EIF2S3B: variants seen among roughly 807,000 people sequenced by gnomAD.
The protein encoded by EIF2S3B is eukaryotic translation initiation factor 2 subunit gamma B, also known as eukaryotic translation initiation factor 2 subunit 3B.
A neutral mutation model predicts 26.4 loss-of-function variants in EIF2S3B; 16 were observed. That is an observed-to-expected ratio of 0.61 (90% CI 0.41 to 0.92). The LOEUF is 0.92. Among genes scored for constraint, EIF2S3B ranks in the 40% least tolerant of loss-of-function variants. The probability of loss-of-function intolerance (pLI) is 0.00; values close to 1 mark genes in which losing one functional copy is unlikely to be tolerated. For synonymous variants in EIF2S3B, 183 were observed against 204.4 expected (o/e 0.90, Z 0.89); for missense variants, 510 against 575.5 (o/e 0.89, Z 1.16).
downstream of EIF2S3B, among the ~76,000 whole-genome samples, chr12:10,513,505 T>C (rs1199615314): frequency 6.6e-6 from 1 of 152,240 alleles, no homozygotes; most frequent in African/African-American, 2.4e-5. Flanking sequence ...TTTGCAATCA[T>C]TATCCCATTA....
In EIF2S3B at chr12:10,506,741, G is replaced by C. The variant is rs199779592; in HGVS notation, c.839G>C (p.Gly280Ala). The change falls in exon 1 of 1, where the codon GGT becomes GCT. Residue 280 changes from glycine to alanine, a missense_variant. Physicochemically the swap from Gly to Ala is moderately conservative, Grantham distance 60. Coordinates refer to ENST00000538173, the MANE Select transcript of EIF2S3B (RefSeq NM_001357734.3). ...GATGACCTTAAGGGAGGTGTAGCTG[G>C]TGGTAGTATCCTAAAAGGAGTATTA... is the stretch of plus-strand genomic sequence containing the variant. ...EVDDLKGGVA[G>A]GSILKGVLKV... is the part of the protein sequence containing the mutation. The C allele has an allele frequency of 6.2e-7, 1 of 1,614,022 alleles. No homozygotes were observed. The highest frequency in any genetic ancestry group is 2.2e-5 in the East Asian group (1 of 44,884).
At position 10,508,399 on chromosome 12, in the gene EIF2S3B, T is replaced by A. The variant is rs1437019508; in HGVS notation, c.*1078T>A. Among the ~76,000 whole-genome samples, 1 of 151,910 alleles carries A rather than the reference T, an allele frequency of 6.6e-6. No homozygotes were observed. Among genetic ancestry groups the A allele is most frequent in the Non-Finnish European group, 1.5e-5 (1 of 68,002 alleles). On this transcript the variant is annotated 3_prime_UTR_variant, in exon 1 of 1. Coordinates refer to ENST00000538173, the MANE Select transcript of EIF2S3B (RefSeq NM_001357734.3). Reference sequence around the variant, plus strand: ...GTTATACCAAATAATTCTAGATGAGTAACAAAGATCCTTCTAGGCCTTCAT... The same window carrying A: ...GTTATACCAAATAATTCTAGATGAGAAACAAAGATCCTTCTAGGCCTTCAT...
At chr12:10,520,460 T>C (rs1014692650) in intron 1 of EIF2S3B, among the ~76,000 whole-genome samples, 1 of 150,942 alleles carries the variant, frequency 6.6e-6, no homozygotes, top group Non-Finnish European at 1.5e-5. Context: ...TGTATACATA[T>C]GTAACTAACC....
At chr12:10,512,654 T>G (rs1338958295), downstream of EIF2S3B, among the ~76,000 whole-genome samples, 1 of 152,000 alleles carries the variant, frequency 6.6e-6, no homozygotes, top group African/African-American at 2.4e-5. Flanking sequence ...GAAAAAAAAT[T>G]TATCTTCCCA....
chr12:10,515,911 A>C (rs925176073), intron 1 of EIF2S3B, among the ~76,000 whole-genome samples: 3 of 142,292 alleles, frequency 2.1e-5, no homozygotes, highest in African/African-American at 9.1e-5. Flanking sequence ...TTATACTAGT[A>C]TATATATATT....
intron 1 of EIF2S3B, among the ~76,000 whole-genome samples, chr12:10,516,470 A>G (rs1864758878): frequency 6.7e-6 from 1 of 148,776 alleles, no homozygotes; most frequent in Admixed American, 6.7e-5. Flanking sequence ...GTAGAGTTTA[A>G]GATTAAAATC....
Position 10,506,122 on chromosome 12 carries a change from G to C in EIF2S3B, c.220G>C (p.Glu74Gln). ...CACCGTCAGGTTCAAAAATGAACTAGAAAGAAATATTACAATCAAGCTTGG... is the reference window on the plus strand; with the variant it reads ...CACCGTCAGGTTCAAAAATGAACTACAAAGAAATATTACAATCAAGCTTGG... ...VHTVRFKNELERNITIKLGYA... is the reference protein window; with the variant it reads ...VHTVRFKNELQRNITIKLGYA... Residue 74 changes from glutamate to glutamine, a missense_variant, in exon 1 of 1, where the codon GAA (glutamate) becomes CAA (glutamine). Transcript: ENST00000538173. The C allele has an allele frequency of 6.3e-7, 1 of 1,587,156 alleles. No individual in the cohort carries two copies. Among genetic ancestry groups the C allele is most frequent in the Non-Finnish European group, 8.7e-7 (1 of 1,155,384 alleles).
At position 10,508,251 on chromosome 12, in the gene EIF2S3B, C is replaced by T. The variant is rs7964285; in HGVS notation, c.*930C>T. 0.031 allele frequency among the ~76,000 whole-genome samples: 4,681 copies of T among 152,154 alleles called. 212 individuals are homozygous for T. The highest frequency in any genetic ancestry group is 0.1 in the African/African-American group (4,303 of 41,482). Reference sequence around the variant, plus strand: ...CAAATAATTTTCTCCCCTTGCTCTTCCTGGCCTGAAATACGGGAAACTAGA... The same window carrying T: ...CAAATAATTTTCTCCCCTTGCTCTTTCTGGCCTGAAATACGGGAAACTAGA... On this transcript the variant is annotated 3_prime_UTR_variant, in exon 1 of 1. Transcript: ENST00000538173.
intron 1 of EIF2S3B, among the ~76,000 whole-genome samples, chr12:10,515,785 G>A (rs776402936): frequency 7.9e-5 from 12 of 151,190 alleles, no homozygotes; most frequent in African/African-American, 1.2e-4. Context: ...TATAATATAC[G>A]TATACACACA....
At chr12:10,513,704 TC>T (rs1864727267) in intron 1 of EIF2S3B, among the ~76,000 whole-genome samples, 1 of 152,202 alleles carries the variant, frequency 6.6e-6, no homozygotes, top group Non-Finnish European at 1.5e-5. Flanking sequence ...AATTTATATT[TC>T]CTTTAATAAC....
Position 10,506,156 on chromosome 12 carries a change from A to C in EIF2S3B, c.254A>C (p.Asn85Thr). Residue 85 changes from asparagine to threonine, a missense_variant, in exon 1 of 1, where the codon AAT becomes ACT. Asn to Thr is a moderately conservative substitution (Grantham distance 65). Transcript: ENST00000538173. The stretch of plus-strand genomic sequence containing the variant: ...ATTACAATCAAGCTTGGATATGCTA[A>C]TGCTAAGATTTATCAACTTGATGAC... ...RNITIKLGYANAKIYQLDDPS... is the reference protein window; with the variant it reads ...RNITIKLGYATAKIYQLDDPS... The C allele has an allele frequency of 6.3e-7, 1 of 1,576,942 alleles. No homozygotes were observed.
intron 1 of EIF2S3B, among the ~76,000 whole-genome samples, chr12:10,517,838 ATCTT>A (rs1432164686): frequency 6.6e-6 from 1 of 152,142 alleles, no homozygotes; most frequent in Admixed American, 6.6e-5. Context: ...TTCAAAGAAC[ATCTT>A]TATTTCTGCC....
chr12:10,508,918 C>T (rs75462134), downstream of EIF2S3B, among the ~76,000 whole-genome samples: 4,504 of 151,940 alleles, frequency 0.03, 83 homozygotes, highest in Non-Finnish European at 0.046. Context: ...ACATGAGAAC[C>T]GTCAGATAAA....
At position 10,506,059 on chromosome 12, in the gene EIF2S3B, G is replaced by C. The variant is rs746788937; in HGVS notation, c.157G>C (p.Gly53Arg). ...NIGTIGHVAH[G>R]KSTVVKAISG... Reference sequence around the variant, plus strand: ...AGGTACAATTGGTCATGTAGCTCATGGGAAATCCACAGTCGTCAAAGCTAT... The same window carrying C: ...AGGTACAATTGGTCATGTAGCTCATCGGAAATCCACAGTCGTCAAAGCTAT... The change falls in exon 1 of 1, where the codon GGG becomes CGG. Residue 53 changes from glycine to arginine, a missense_variant. By Grantham distance (125) the Gly-to-Arg change is moderately radical. Coordinates refer to ENST00000538173, the MANE Select transcript of EIF2S3B (RefSeq NM_001357734.3). 5.0e-6 allele frequency: 8 copies of C among 1,602,284 alleles called. No homozygotes were observed. In the East Asian group the frequency reaches 1.8e-4, roughly 36 times the overall value.
At chr12:10,511,946 T>TATTCACC (rs371579953), downstream of EIF2S3B, among the ~76,000 whole-genome samples, 1,281 of 152,338 alleles carry the variant, frequency 8.4e-3, 11 homozygotes, top group African/African-American at 0.026. Context: ...ATTCTGCCTC[T>TATTCACC]ATTCACCATT....
At chr12:10,517,266 T>C (rs1864767236) in intron 1 of EIF2S3B, among the ~76,000 whole-genome samples, 8 of 152,160 alleles carry the variant, frequency 5.3e-5, no homozygotes, top group Admixed American at 5.2e-4. Context: ...TGGTAAGCTA[T>C]TGATTATTGC....
At chr12:10,510,666 G>A (rs4503631), downstream of EIF2S3B, among the ~76,000 whole-genome samples, 150,425 of 152,234 alleles carry the variant, frequency 0.99, 74,335 homozygotes, top group Middle Eastern at 1. Context: ...CCTGTGTGCC[G>A]AAAGTCTGTA....
chr12:10,506,083 A>G lies in EIF2S3B; in HGVS notation c.181A>G (p.Ile61Val), dbSNP rs745751402. ...AHGKSTVVKA[I>V]SGVHTVRFKN... ...TGGGAAATCCACAGTCGTCAAAGCT[A>G]TTTCTGGAGTTCACACCGTCAGGTT... The change falls in exon 1 of 1, where the codon ATT becomes GTT. Residue 61 changes from isoleucine (I) to valine (V), a missense_variant. Ile to Val is a conservative substitution (Grantham distance 29). Transcript: ENST00000538173. The G allele has an allele frequency of 1.0e-5, 16 of 1,599,728 alleles. No individual in the cohort carries two copies. The highest frequency in any genetic ancestry group is 5.0e-5 in the Admixed American group (3 of 60,002).
chr12:10,521,735 T>C (rs1359436764), intron 1 of EIF2S3B, among the ~76,000 whole-genome samples: 1 of 152,216 alleles, frequency 6.6e-6, no homozygotes, highest in African/African-American at 2.4e-5. Context: ...ATTTAAAGAC[T>C]GTGATGACAA....
Sources: gnomAD v4.1 joint callset for allele counts (sites outside exome capture counted in the v4.1 genomes callset) on GRCh38, gnomAD v4.1.1 for gene constraint, MANE v1.5 for transcripts, NCBI Gene and HGNC (gene_info 2026-07-23, HGNC 2026-07-21) for gene names.